Variants in ESPL1 observed in about 807,000 individuals in gnomAD.
ESPL1 encodes the protein separin.
A neutral mutation model predicts 217.2 loss-of-function variants in ESPL1; 50 were observed. The ratio of observed to expected loss-of-function variants is 0.23; its 90% CI spans 0.18 to 0.29. ESPL1 has a LOEUF of 0.29. Among genes scored for constraint, ESPL1 ranks in the 10% least tolerant of loss-of-function variants. The pLI is 1.00. For missense variants in ESPL1, 1,834 were observed against 2,603.0 expected, an observed-to-expected ratio of 0.70 and a Z score of 6.43; for synonymous variants, 994 against 1,081.3, an observed-to-expected ratio of 0.92 and a Z score of 1.58.
Position 53,293,462 on chromosome 12 carries a change from C to A in ESPL1, c.6351C>A (p.Val2117=). Residue 2117 remains valine, a synonymous_variant, in exon 31 of 31, where the codon GTC becomes GTA. Coordinates refer to ENST00000257934, the MANE Select transcript of ESPL1 (RefSeq NM_012291.5). This position sits in a 1 kb window ranked among gnomAD's most constrained non-coding sequence, Gnocchi z 4.2. The part of the protein sequence containing the change: ...GAAPIAYGLP[V]SLR The stretch of plus-strand genomic sequence containing the variant: ...CACCTATAGCCTATGGCTTGCCTGT[C>A]TCTCTGCGGTAACCCCATGGAGCTG... 6.2e-7 allele frequency: 1 copy of A among 1,613,738 alleles called. No individual in the cohort carries two copies. The highest frequency in any genetic ancestry group is 8.5e-7 in the Non-Finnish European group (1 of 1,179,680).
intron 7 of ESPL1, among the ~76,000 whole-genome samples, chr12:53,275,409 C>T (rs1326324450): frequency 2.0e-5 from 3 of 151,948 alleles, no homozygotes; most frequent in East Asian, 1.9e-4. Flanking sequence ...TGCAGTGAGC[C>T]GAGATCGTGC....
chr12:53,284,986 G>A (rs936611955), intron 17 of ESPL1, among the ~76,000 whole-genome samples: 2 of 145,104 alleles, frequency 1.4e-5, no homozygotes, highest in East Asian at 2.1e-4. Context: ...ACTCCAGCCC[G>A]GGTGACAGTG....
At position 53,293,425 on chromosome 12, in the gene ESPL1, T is replaced by C; in HGVS notation, c.6314T>C (p.Leu2105Pro). The change falls in exon 31 of 31, where the codon CTT becomes CCT. Residue 2105 changes from leucine to proline, a missense_variant. Leu to Pro is a moderately conservative substitution (Grantham distance 98). This residue lies in a region of ESPL1 where 295 missense variants were observed against 519.8 expected (regional missense o/e 0.57). Transcript: ENST00000257934. This position sits in a 1 kb window ranked among gnomAD's most constrained non-coding sequence, Gnocchi z 4.2. Reference protein sequence around the residue: ...QARQAPRLKYLIGAAPIAYGL... With the variant: ...QARQAPRLKYPIGAAPIAYGL... ...CGCCAAGCTCCCCGACTCAAGTATC[T>C]TATTGGGGCTGCACCTATAGCCTAT... 1 of 1,614,136 alleles carries C rather than the reference T, an allele frequency of 6.2e-7. No homozygotes were observed. Among genetic ancestry groups the C allele is most frequent in the Non-Finnish European group, 8.5e-7 (1 of 1,180,018 alleles).
Position 53,288,521 on chromosome 12 carries a change from G to T in ESPL1, c.4547-17G>T. 1 of 1,601,844 alleles carries T rather than the reference G, an allele frequency of 6.2e-7. No homozygotes were observed. Among genetic ancestry groups the T allele is most frequent in the East Asian group, 2.2e-5 (1 of 44,814 alleles). ...AGGGGGAGGGAGCACTGTGAAAAAG[G>T]CCTGCTCTCTCCCCAGGTGGGAAGA... On this transcript the variant is annotated splice_polypyrimidine_tract_variant and intron_variant, in intron 19 of 30. Transcript: ENST00000257934.
In ESPL1 at chr12:53,286,764, T is replaced by C; in HGVS notation, c.4028T>C (p.Leu1343Pro). The change falls in exon 18 of 31, where the codon CTG becomes CCG. Residue 1343 changes from leucine to proline, a missense_variant. This residue lies in a region of ESPL1 where 681 missense variants were observed against 808.0 expected (regional missense o/e 0.84). Coordinates refer to ENST00000257934, the MANE Select transcript of ESPL1 (RefSeq NM_012291.5). This position sits in a 1 kb window ranked among gnomAD's most constrained non-coding sequence, Gnocchi z 5.3. The stretch of plus-strand genomic sequence containing the variant: ...CAGAAAGGTCTGGAAGGTAGAGGAC[T>C]GCCCTGCACACCTAAACCCCCAGAC... ...TSQKGLEGRGLPCTPKPPDRI... is the reference protein window; with the variant it reads ...TSQKGLEGRGPPCTPKPPDRI... The C allele has an allele frequency of 6.2e-7, 1 of 1,614,166 alleles. No individual in the cohort carries two copies. Among genetic ancestry groups the C allele is most frequent in the Non-Finnish European group, 8.5e-7 (1 of 1,180,028 alleles).
chr12:53,270,854 C>T, intron 5 of ESPL1, 56 bp downstream of exon 5: 1 of 1,600,194 alleles, frequency 6.2e-7, no homozygotes, highest in South Asian at 1.1e-5. Context: ...ACCCATTAGG[C>T]AGGTGAATAG....
At chr12:53,291,310 AG>A (rs1376267734) in intron 25 of ESPL1, among the ~76,000 whole-genome samples, 1 of 143,898 alleles carries the variant, frequency 6.9e-6, no homozygotes, top group Non-Finnish European at 1.5e-5. Flanking sequence ...AAAAAAAAAA[AG>A]GATAGGCCCC....
chr12:53,289,106 C>A lies in ESPL1; in HGVS notation c.4725C>A (p.Asp1575Glu), dbSNP rs1341913132. The A allele has an allele frequency of 3.7e-6, 6 of 1,613,914 alleles. No individual in the cohort carries two copies. The highest frequency in any genetic ancestry group is 5.1e-6 in the Non-Finnish European group (6 of 1,179,752). The change falls in exon 21 of 31, where the codon GAC becomes GAA. Residue 1575 changes from aspartate (D) to glutamate (E), a missense_variant. By Grantham distance (45) the Asp-to-Glu change is conservative. Transcript: ENST00000257934. ...APVATGLSTL[D>E]SICDSLSVAF... is the part of the protein sequence containing the mutation. ...TTCTTCTAGGTCTTTCTACCCTGGA[C>A]TCCATCTGTGACTCCCTGAGTGTTG... is the stretch of plus-strand genomic sequence containing the variant.
At position 53,286,883 on chromosome 12, in the gene ESPL1, G is replaced by T. The variant is rs139197630; in HGVS notation, c.4147G>T (p.Val1383Leu). Residue 1383 changes from valine to leucine, a missense_variant, in exon 18 of 31, where the codon GTA becomes TTA. Physicochemically the swap from Val to Leu is conservative, Grantham distance 32. Transcript: ENST00000257934. The surrounding 1 kb of genome is among the most constrained non-coding windows in gnomAD (Gnocchi z 5.3). ...GCCTGAAGTACCCCAGGCCCCCAGG[G>T]TACAACAGAGAGTCCAGACGCGCCT... is the stretch of plus-strand genomic sequence containing the variant. ...SKPEVPQAPR[V>L]QQRVQTRLKV... 182 of 1,608,300 alleles carry T rather than the reference G, an allele frequency of 1.1e-4. No homozygotes were observed. The highest frequency in any genetic ancestry group is 1.0e-4 in the Non-Finnish European group (123 of 1,177,796).
chr12:53,287,796 C>T, intron 18 of ESPL1, 176 bp from the exon 19 acceptor site: 1 of 581,782 alleles, frequency 1.7e-6, no homozygotes, highest in South Asian at 2.6e-5. Context: ...CCTTCCACAC[C>T]CAAGAGTCGC....
Position 53,289,437 on chromosome 12 carries a change from A to T in ESPL1, c.4956A>T (p.Ile1652=). The change falls in exon 22 of 31, where the codon ATA becomes ATT. Residue 1652 remains isoleucine (I), a synonymous_variant. Transcript: ENST00000257934. Reference sequence around the variant, plus strand: ...AGAAGCACCGAGGATCACTTGAAATAGCAGACCAGCTGCAGGGGCTGAGCC... The same window carrying T: ...AGAAGCACCGAGGATCACTTGAAATTGCAGACCAGCTGCAGGGGCTGAGCC... ...KAQKHRGSLE[I]ADQLQGLSLQ... is the part of the protein sequence containing the mutation. The T allele has an allele frequency of 6.2e-7, 1 of 1,614,078 alleles. No homozygotes were observed. Among genetic ancestry groups the T allele is most frequent in the Non-Finnish European group, 8.5e-7 (1 of 1,180,032 alleles).
chr12:53,290,821 G>A lies in ESPL1; in HGVS notation c.5365-20G>A, dbSNP rs374798167. The A allele has an allele frequency of 9.5e-6, 13 of 1,362,270 alleles. No homozygotes were observed. Among genetic ancestry groups the A allele is most frequent in the South Asian group, 1.3e-5 (1 of 75,336 alleles). The allele number at this position is 1,362,270 out of a possible 1,614,324, so 84.4% of individuals were successfully genotyped here. A position where few individuals can be genotyped will look rare whatever the true frequency, so the allele number is the denominator to read the frequency against. On this transcript the variant is annotated intron_variant, in intron 24 of 30. Coordinates refer to ENST00000257934, the MANE Select transcript of ESPL1 (RefSeq NM_012291.5). ...AGCTTGGTTTCCTCTCTGACTGAAG[G>A]GTCTGCCCTCTGCATTCAGGTTCTC...
chr12:53,272,659 T>C (rs1943695534), intron 5 of ESPL1, 62 bp from the exon 6 acceptor site: 5 of 1,580,896 alleles, frequency 3.2e-6, no homozygotes, highest in South Asian at 1.1e-5. Flanking sequence ...CTGCTGCCTC[T>C]CCAGGAGGAG....
intron 5 of ESPL1, among the ~76,000 whole-genome samples, chr12:53,271,828 G>T (rs1270520932): frequency 2.6e-5 from 4 of 151,828 alleles, no homozygotes; most frequent in Admixed American, 6.6e-5. Flanking sequence ...AGTGGCTCAC[G>T]CCTGTAATCC....
chr12:53,281,929 G>T (rs1395081311), intron 13 of ESPL1, among the ~76,000 whole-genome samples: 1 of 152,172 alleles, frequency 6.6e-6, no homozygotes, highest in African/African-American at 2.4e-5. Flanking sequence ...CCAGGGGATG[G>T]CAAAGACTTG....
At chr12:53,289,629 C>T (rs750539143) in intron 22 of ESPL1, 35 bp downstream of exon 22, 1 of 1,571,930 alleles carries the variant, frequency 6.4e-7, no homozygotes, top group Non-Finnish European at 8.7e-7. Flanking sequence ...CTCCTCTGTC[C>T]TCTTCTGCAT....
intron 12 of ESPL1, among the ~76,000 whole-genome samples, chr12:53,280,824 T>C (rs1187481449): frequency 5.9e-5 from 9 of 151,778 alleles, no homozygotes; most frequent in Non-Finnish European, 1.0e-4. Flanking sequence ...AGAAACCCCG[T>C]CTCTACTAAA....
rs772204573 is a variant in ESPL1 at position 53,286,613 on chromosome 12, G to A, written c.3877G>A (p.Gly1293Ser). The A allele has an allele frequency of 1.2e-5, 19 of 1,614,030 alleles. No homozygotes were observed. The highest frequency in any genetic ancestry group is 1.5e-5 in the Non-Finnish European group (18 of 1,180,050). ...CTTQLFASSW[G>S]WQPPLIKSVP... ...TACCCAACTTTTTGCAAGCTCCTGG[G>A]GCTGGCAGCCACCATTAATAAAAAG... The change falls in exon 18 of 31, where the codon GGC becomes AGC. Residue 1293 changes from glycine (G) to serine (S), a missense_variant. Transcript: ENST00000257934. The surrounding 1 kb of genome is among the most constrained non-coding windows in gnomAD (Gnocchi z 5.3).
rs371851364 is a variant in ESPL1 at position 53,270,659 on chromosome 12, A to G, written c.1249-19A>G. The G allele has an allele frequency of 5.6e-6, 9 of 1,613,368 alleles. No homozygotes were observed. In the African/African-American group the frequency reaches 9.4e-5, roughly 17 times the overall value. On this transcript the variant is annotated intron_variant, in intron 4 of 30. Coordinates refer to ENST00000257934, the MANE Select transcript of ESPL1 (RefSeq NM_012291.5). ...ACCCAGCATGACTCCTCACTCTCAA[A>G]CCCTTCTTGTCCCTTCAGATAGTTG... is the stretch of plus-strand genomic sequence containing the variant.
Sources: gnomAD v4.1 joint callset for allele counts (sites outside exome capture counted in the v4.1 genomes callset) on GRCh38, gnomAD v4.1.1 for gene constraint, gnomAD v4.1.1 regional missense constraint, Gnocchi (gnomAD v3.1) non-coding constraint, MANE v1.5 for transcripts, NCBI Gene and HGNC (gene_info 2026-07-23, HGNC 2026-07-21) for gene names.